MYOM2: variants seen among roughly 807,000 people sequenced by gnomAD.
MYOM2 encodes the protein myomesin 2.
MYOM2 carries 254 observed loss-of-function variants against 187.6 expected under a neutral mutation model. That is an observed-to-expected ratio of 1.35 (90% CI 1.22 to 1.50). The LOEUF (loss-of-function observed/expected upper bound fraction) is 1.50, where lower values mean the gene tolerates loss of function less well. Among genes scored for constraint, MYOM2 ranks in the 40% most tolerant of loss-of-function variants. The pLI, the probability that MYOM2 is intolerant of heterozygous loss-of-function variation, is 0.00. For missense variants in MYOM2, 2,796 were observed against 1,924.0 expected, an observed-to-expected ratio of 1.45 and a Z score of -8.48; for synonymous variants, 981 against 753.8, an observed-to-expected ratio of 1.30 and a Z score of -4.94.
chr8:2,083,286 A>AGCCTTTGCTTAGCAGTGTCTC (rs1395019630), intron 13 of MYOM2, among the ~76,000 whole-genome samples: 37 of 149,240 alleles, frequency 2.5e-4, no homozygotes, highest in African/African-American at 8.4e-4. Context: ...GCCAGTGTCT[A>AGCCTTTGCTTAGCAGTGTCTC]GCCTTTGCTT....
At chr8:2,125,152 A>G (rs547697906) in intron 31 of MYOM2, among the ~76,000 whole-genome samples, 1 of 152,168 alleles carries the variant, frequency 6.6e-6, no homozygotes, top group Non-Finnish European at 1.5e-5. Flanking sequence ...TATCCAAGCG[A>G]TCACTGCCCA....
chr8:2,096,569 C>A (rs1046096575), intron 18 of MYOM2, 135 bp downstream of exon 18: 2 of 886,628 alleles, frequency 2.3e-6, no homozygotes, highest in Non-Finnish European at 3.4e-6. Context: ...ATCATGAGAT[C>A]ATGAAGTTTT....
chr8:2,138,812 A>G (rs1009269338), intron 32 of MYOM2, among the ~76,000 whole-genome samples: 3 of 152,182 alleles, frequency 2.0e-5, no homozygotes, highest in African/African-American at 7.2e-5. Context: ...CCGGGATCCC[A>G]GAGGCTAAGT....
intron 32 of MYOM2, among the ~76,000 whole-genome samples, chr8:2,135,710 A>G (rs1315030682): frequency 1.3e-5 from 2 of 152,214 alleles, no homozygotes; most frequent in African/African-American, 4.8e-5. Flanking sequence ...TACGAAGAAG[A>G]GGTTTTGTCA....
chr8:2,093,110 G>C (rs1214517635), intron 16 of MYOM2, among the ~76,000 whole-genome samples: 1 of 152,174 alleles, frequency 6.6e-6, no homozygotes, highest in Non-Finnish European at 1.5e-5. Flanking sequence ...TTAGGAAAAT[G>C]TCAGCAGCTG....
chr8:2,143,300 C>A, intron 35 of MYOM2, 101 bp from the exon 36 acceptor site: 1 of 1,327,468 alleles, frequency 7.5e-7, no homozygotes, highest in Non-Finnish European at 1.1e-6. Context: ...GCATAAACTC[C>A]TCACCACATT....
At chr8:2,059,353 T>A in intron 6 of MYOM2, 108 bp downstream of exon 6, 2 of 876,170 alleles carry the variant, frequency 2.3e-6, no homozygotes, top group East Asian at 2.5e-5. Context: ...CCTGTCTGTT[T>A]GCACCCCGGG....
chr8:2,136,169 G>C (rs1798062668), intron 32 of MYOM2, among the ~76,000 whole-genome samples: 1 of 152,248 alleles, frequency 6.6e-6, no homozygotes, highest in Non-Finnish European at 1.5e-5. Flanking sequence ...AACATGGGCA[G>C]CTCGAGGCTG....
chr8:2,142,269 C>T (rs1216883169), intron 34 of MYOM2, 106 bp from the exon 35 acceptor site: 8 of 1,117,378 alleles, frequency 7.2e-6, no homozygotes, highest in African/African-American at 1.5e-5. Flanking sequence ...GTATCTCCTT[C>T]TTCTTTTGCT....
chr8:2,074,734 G>C (rs376913526), intron 10 of MYOM2, among the ~76,000 whole-genome samples: 1 of 152,294 alleles, frequency 6.6e-6, no homozygotes, highest in African/African-American at 2.4e-5. Context: ...TGGGATTACA[G>C]GTGTGAGCCA....
In MYOM2 at chr8:2,144,971, C is replaced by G; in HGVS notation, c.4388C>G (p.Ala1463Gly). 1 of 1,613,974 alleles carries G rather than the reference C, an allele frequency of 6.2e-7. No individual in the cohort carries two copies. Among genetic ancestry groups the G allele is most frequent in the Non-Finnish European group, 8.5e-7 (1 of 1,179,988 alleles). Residue 1463 changes from alanine to glycine, a missense_variant, in exon 37 of 37, where the codon GCA becomes GGA. Physicochemically the swap from Ala to Gly is moderately conservative, Grantham distance 60. Coordinates refer to ENST00000262113, the MANE Select transcript of MYOM2 (RefSeq NM_003970.4). ...CTCATCCCCGCGTCTGCCTCAGCGG[C>G]AGGCCAGTGAAGGCGTTTTCCTAGC... is the stretch of plus-strand genomic sequence containing the variant. Reference protein sequence around the residue: ...PKLIPASASAAGQ With the variant: ...PKLIPASASAGGQ
At position 2,090,059 on chromosome 8, in the gene MYOM2, A is replaced by C. The variant is rs771671354; in HGVS notation, c.1696A>C (p.Arg566=). ...WQRVNAQTAV[R]SPRYAVFDLM... ...GAGAGTCAACGCCCAGACGGCTGTG[A>C]GATCCCCGAGATATGCCGTGTTTGA... The change falls in exon 15 of 37, where the codon AGA becomes CGA. Residue 566 remains arginine, a synonymous_variant. Coordinates refer to ENST00000262113, the MANE Select transcript of MYOM2 (RefSeq NM_003970.4). 1 of 1,614,032 alleles carries C rather than the reference A, an allele frequency of 6.2e-7. No homozygotes were observed.
intron 9 of MYOM2, among the ~76,000 whole-genome samples, chr8:2,072,726 G>C (rs531715928): frequency 6.6e-6 from 1 of 152,218 alleles, no homozygotes. Context: ...ACCTAGAGCA[G>C]CCACTTAGAG....
intron 6 of MYOM2, among the ~76,000 whole-genome samples, chr8:2,067,746 GT>G (rs3837175): frequency 0.58 from 87,081 of 151,402 alleles, 25,271 homozygotes; most frequent in Admixed American, 0.71. Flanking sequence ...CCTAAGTCAT[GT>G]TTTTTTTTGT....
intron 1 of MYOM2, among the ~76,000 whole-genome samples, chr8:2,045,649 T>A (rs1404658220): frequency 6.6e-6 from 1 of 152,226 alleles, no homozygotes; most frequent in East Asian, 1.9e-4. Context: ...TTATCCACGG[T>A]ATGGGAAAGA....
At chr8:2,109,351 A>T in intron 24 of MYOM2, 44 bp from the exon 25 acceptor site, 2 of 1,545,662 alleles carry the variant, frequency 1.3e-6, no homozygotes, top group Non-Finnish European at 1.7e-6. Flanking sequence ...CTTCCTCACA[A>T]GGATTCATGC....
chr8:2,076,291 C>T lies in MYOM2; in HGVS notation c.1262+9C>T. 1 of 1,612,868 alleles carries T rather than the reference C, an allele frequency of 6.2e-7. No homozygotes were observed. The highest frequency in any genetic ancestry group is 8.5e-7 in the Non-Finnish European group (1 of 1,179,650). ...GGCTATTTTGTGGACCGGTGAGCGTCTTGCATTCTCCCGGGGATGGGAACG... is the reference window on the plus strand; with the variant it reads ...GGCTATTTTGTGGACCGGTGAGCGTTTTGCATTCTCCCGGGGATGGGAACG... On this transcript the variant is annotated intron_variant, in intron 11 of 36. Transcript: ENST00000262113.
At chr8:2,048,323 G>C (rs117419808) in intron 1 of MYOM2, among the ~76,000 whole-genome samples, 1 of 152,348 alleles carries the variant, frequency 6.6e-6, no homozygotes, top group African/African-American at 2.4e-5. Context: ...ATTTCAGTGA[G>C]CTCTTCCCAG....
At chr8:2,052,575 G>A (rs867702418) in intron 3 of MYOM2, among the ~76,000 whole-genome samples, 25 of 152,178 alleles carry the variant, frequency 1.6e-4, no homozygotes, top group African/African-American at 5.3e-4. Context: ...TGTTCAGAGC[G>A]CTCACGCCAC....
Sources: allele counts gnomAD v4.1 joint callset (sites outside exome capture counted in the v4.1 genomes callset), GRCh38; gene constraint gnomAD v4.1.1; transcripts MANE v1.5; gene names NCBI Gene and HGNC (gene_info 2026-07-23, HGNC 2026-07-21).